TAF8: variants seen among roughly 807,000 people sequenced by gnomAD.
The protein encoded by TAF8 is TATA-box binding protein associated factor 8.
In TAF8, 47 loss-of-function variants were observed where a neutral mutation model predicts 36.5. That is an observed-to-expected ratio of 1.29 (90% CI 1.02 to 1.64). TAF8 has a LOEUF of 1.64. TAF8 is among the 40% of genes most tolerant of loss of function. The probability of loss-of-function intolerance (pLI) is 0.00; values close to 1 mark genes in which losing one functional copy is unlikely to be tolerated. For missense variants in TAF8, 420 were observed against 407.6 expected, an observed-to-expected ratio of 1.03 and a Z score of -0.26; for synonymous variants, 175 against 159.5, an observed-to-expected ratio of 1.10 and a Z score of -0.73.
At chr6:42,074,433 G>GTTGT (rs1359306864) in intron 7 of TAF8, among the ~76,000 whole-genome samples, 2 of 152,238 alleles carry the variant, frequency 1.3e-5, no homozygotes, top group Non-Finnish European at 2.9e-5. Flanking sequence ...AGTCACCACA[G>GTTGT]AGGGTGTAGG....
chr6:42,070,315 G>A (rs962899013), intron 7 of TAF8, among the ~76,000 whole-genome samples: 3 of 148,622 alleles, frequency 2.0e-5, no homozygotes, highest in South Asian at 4.6e-4. Context: ...GGTGAAACCC[G>A]ATCTCTACTA....
chr6:42,068,127 A>G (rs762029331), intron 6 of TAF8, among the ~76,000 whole-genome samples: 4 of 152,216 alleles, frequency 2.6e-5, no homozygotes, highest in Non-Finnish European at 5.9e-5. Flanking sequence ...TTCTATCTAT[A>G]GCCTCATTTC....
chr6:42,086,619 C>T, downstream of TAF8: 1 of 1,155,466 alleles, frequency 8.7e-7, no homozygotes, highest in East Asian at 2.6e-5. Flanking sequence ...ATCTGCGGCA[C>T]CCCCTCTCCA....
chr6:42,078,458 C>T lies in TAF8; in HGVS notation c.*913C>T, dbSNP rs916514033. On this transcript the variant is annotated 3_prime_UTR_variant, in exon 9 of 9. Coordinates refer to ENST00000372977, the MANE Select transcript of TAF8 (RefSeq NM_138572.3). ...ATTCTTATTTCTCTCCTCATCTGGC[C>T]TCCCAAGTGCTCCGTTGAGCTGATG... is the stretch of plus-strand genomic sequence containing the variant. The T allele has an allele frequency of 1.0e-6, 1 of 985,378 alleles. No homozygotes were observed. The highest frequency in any genetic ancestry group is 1.7e-5 in the African/African-American group (1 of 57,246). The allele number at this position is 985,378 out of a possible 1,614,324, so 61.0% of individuals were successfully genotyped here.
rs1765871550 is a variant in TAF8, at chr6:42,079,951, G to C, written c.*2406G>C. On this transcript the variant is annotated 3_prime_UTR_variant, in exon 9 of 9. Transcript: ENST00000372977. ...TGTTCTTCTGGCCTCACTGTACTGT[G>C]TAAGGAAAGAGCTGCTTGTCAGGAA... 1.0e-6 allele frequency: 1 copy of C among 984,806 alleles called. No homozygotes were observed. The allele number at this position is 984,806 out of a possible 1,614,324, so 61.0% of individuals were successfully genotyped here.
chr6:42,065,021 T>G (rs1286909626), intron 5 of TAF8, among the ~76,000 whole-genome samples: 3 of 150,560 alleles, frequency 2.0e-5, no homozygotes, highest in Admixed American at 2.0e-4. Flanking sequence ...TATTGGTCGT[T>G]GTTAAAATGT....
At chr6:42,086,920 G>A (rs536442667), downstream of TAF8, 79 of 700,462 alleles carry the variant, frequency 1.1e-4, 1 homozygote, top group African/African-American at 5.7e-4. Flanking sequence ...CGGGCCAGGC[G>A]CAGCCATCGG....
At position 42,083,063 on chromosome 6, in the gene TAF8, TAA is replaced by T. The variant is rs1384832457; in HGVS notation, c.*5519_*5520del. 2.6e-5 allele frequency: 4 copies of T among 152,250 alleles called. No individual in the cohort carries two copies. Among genetic ancestry groups the T allele is most frequent in the African/African-American group, 7.2e-5 (3 of 41,466 alleles). 9.4% of individuals were successfully genotyped at this position (152,250 alleles called of 1,614,324 possible). The stretch of plus-strand genomic sequence containing the variant: ...AAAATTTAAAAGACAGAAAAAGATA[TAA>T]GTGATAACAAAATATCTTCCTCCTC... On this transcript the variant is annotated 3_prime_UTR_variant, in exon 9 of 9. Transcript: ENST00000372977.
chr6:42,077,131 C>G lies in TAF8; in HGVS notation c.812C>G (p.Ser271Cys). 1.9e-6 allele frequency: 3 copies of G among 1,614,120 alleles called. No individual in the cohort carries two copies. Among genetic ancestry groups the G allele is most frequent in the Non-Finnish European group, 2.5e-6 (3 of 1,179,966 alleles). Residue 271 changes from serine to cysteine, a missense_variant, in exon 8 of 9, where the codon TCT becomes TGT. Physicochemically the swap from Ser to Cys is moderately radical, Grantham distance 112. Coordinates refer to ENST00000372977, the MANE Select transcript of TAF8 (RefSeq NM_138572.3). Reference protein sequence around the residue: ...EDSGAEKENTSVLQQNPSLSG... With the variant: ...EDSGAEKENTCVLQQNPSLSG... ...TCTGGAGCCGAGAAGGAGAACACCT[C>G]TGTCCTGCAGCAGAACCCCTCCTTG...
At chr6:42,076,101 G>T (rs1362241137) in intron 7 of TAF8, among the ~76,000 whole-genome samples, 1 of 152,018 alleles carries the variant, frequency 6.6e-6, no homozygotes, top group Non-Finnish European at 1.5e-5. Context: ...CCAGCTACTT[G>T]GGAGGCTGAG....
downstream of TAF8, among the ~76,000 whole-genome samples, chr6:42,085,323 G>C (rs1271333472): frequency 6.6e-6 from 1 of 152,190 alleles, no homozygotes; most frequent in Non-Finnish European, 1.5e-5. Flanking sequence ...AGCAAACAAT[G>C]CTGCGCTGAC....
chr6:42,051,055 C>A, intron 1 of TAF8: 1 of 1,098,056 alleles, frequency 9.1e-7, no homozygotes, highest in Non-Finnish European at 1.1e-6. Flanking sequence ...CGTCTTAATC[C>A]CATCATGCGT....
downstream of TAF8, among the ~76,000 whole-genome samples, chr6:42,084,892 T>C (rs1379413712): frequency 1.3e-5 from 2 of 152,232 alleles, no homozygotes; most frequent in African/African-American, 2.4e-5. Flanking sequence ...CTCCTAACCA[T>C]GTGGCTACCC....
chr6:42,078,372 A>G lies in TAF8; in HGVS notation c.*827A>G. ...CTGTTTGTCCAGCGTGTATTTCAGGATATCTGGATCCCTTTTATTGACTCA... is the reference window on the plus strand; with the variant it reads ...CTGTTTGTCCAGCGTGTATTTCAGGGTATCTGGATCCCTTTTATTGACTCA... On this transcript the variant is annotated 3_prime_UTR_variant, in exon 9 of 9. Coordinates refer to ENST00000372977, the MANE Select transcript of TAF8 (RefSeq NM_138572.3). 1 of 985,424 alleles carries G rather than the reference A, an allele frequency of 1.0e-6. No individual in the cohort carries two copies. Among genetic ancestry groups the G allele is most frequent in the Non-Finnish European group, 1.2e-6 (1 of 829,938 alleles). 61.0% of individuals were successfully genotyped at this position (985,424 alleles called of 1,614,324 possible).
chr6:42,074,105 TAGTG>T (rs1165393076), intron 7 of TAF8, among the ~76,000 whole-genome samples: 2 of 152,092 alleles, frequency 1.3e-5, no homozygotes, highest in African/African-American at 4.8e-5. Flanking sequence ...TTGGGCAACA[TAGTG>T]AGACCCTGTT....
intron 7 of TAF8, among the ~76,000 whole-genome samples, chr6:42,074,297 C>T (rs72855254): frequency 0.069 from 10,465 of 152,058 alleles, 398 homozygotes; most frequent in Middle Eastern, 0.12. Flanking sequence ...TACCTGATAC[C>T]CCAGTGGAAA....
Position 42,079,570 on chromosome 6 carries a change from C to A in TAF8, c.*2025C>A. On this transcript the variant is annotated 3_prime_UTR_variant, in exon 9 of 9. Transcript: ENST00000372977. ...CCCCTTTGGCTTCCACAGTTCAACT[C>A]CTTTTATTTTGAGACAGGGTCTCGC... The A allele has an allele frequency of 1.0e-6, 1 of 985,178 alleles. No individual in the cohort carries two copies. Among genetic ancestry groups the A allele is most frequent in the Non-Finnish European group, 1.2e-6 (1 of 829,838 alleles). 61.0% of individuals were successfully genotyped at this position (985,178 alleles called of 1,614,324 possible).
At chr6:42,055,432 G>C (rs1409378485) in intron 2 of TAF8, 99 bp from the exon 3 acceptor site, 1 of 789,638 alleles carries the variant, frequency 1.3e-6, no homozygotes, top group African/African-American at 1.7e-5. Flanking sequence ...GTTCATTTAT[G>C]TATATACCTA....
chr6:42,066,421 C>G lies in TAF8; in HGVS notation c.599C>G (p.Thr200Ser), dbSNP rs1765364617. The G allele has an allele frequency of 3.7e-6, 6 of 1,614,216 alleles. No individual in the cohort carries two copies. The East Asian group carries it at 1.1e-4, about 30-fold the overall frequency. ...LTRFMAKTGE[T>S]QSLFKDDVST... ...CGTTTCATGGCCAAGACAGGCGAGA[C>G]TCAGAGTCTTTTCAAAGATGACGTC... The change falls in exon 6 of 9, where the codon ACT becomes AGT. Residue 200 changes from threonine to serine, a missense_variant. By Grantham distance (58) the Thr-to-Ser change is moderately conservative (BLOSUM62 1). Coordinates refer to ENST00000372977, the MANE Select transcript of TAF8 (RefSeq NM_138572.3).
Sources: gnomAD v4.1 joint callset for allele counts (sites outside exome capture counted in the v4.1 genomes callset) on GRCh38, gnomAD v4.1.1 for gene constraint, MANE v1.5 for transcripts, NCBI Gene and HGNC (gene_info 2026-07-23, HGNC 2026-07-21) for gene names.